KIF22: variants seen among roughly 807,000 people sequenced by gnomAD.
KIF22 encodes kinesin family member 22.
A neutral mutation model predicts 73.0 loss-of-function variants in KIF22; 62 were observed. The observed-to-expected ratio is 0.85, with a 90% CI of 0.69 to 1.05. The LOEUF is 1.05. KIF22 is among the 50% of genes least tolerant of loss of function. The pLI, the probability that KIF22 is intolerant of heterozygous loss-of-function variation, is 0.00. For missense variants in KIF22, 854 were observed against 870.1 expected (o/e 0.98, Z 0.23); for synonymous variants, 411 against 340.1 (o/e 1.21, Z -2.29).
rs781091421 is a variant in KIF22 at position 29,799,429 on chromosome 16, G to C, written c.925G>C (p.Asp309His). The change falls in exon 6 of 14, where the codon GAT becomes CAT. Residue 309 changes from aspartate to histidine, a missense_variant. Physicochemically the swap from Asp to His is moderately conservative, Grantham distance 81. This residue lies in a region of KIF22 where 245 missense variants were observed against 351.8 expected (regional missense o/e 0.70). Transcript: ENST00000160827. The stretch of plus-strand genomic sequence containing the variant: ...CCTGTTTGTCCTGGGCAAAGTGGTA[G>C]ATGCGCTGAATCAGGGCCTCCCTCG... ...TSLFVLGKVV[D>H]ALNQGLPRVP... is the part of the protein sequence containing the mutation. 6 of 1,614,140 alleles carry C rather than the reference G, an allele frequency of 3.7e-6. No homozygotes were observed. The highest frequency in any genetic ancestry group is 4.2e-6 in the Non-Finnish European group (5 of 1,180,054).
chr16:29,804,526 T>TA (rs1282265797), intron 11 of KIF22: 5 of 666,216 alleles, frequency 7.5e-6, no homozygotes, highest in Non-Finnish European at 1.4e-5. Context: ...GGACCAGATT[T>TA]AAGAGCTTAT....
chr16:29,799,074 A>G lies in KIF22; in HGVS notation c.649A>G (p.Ser217Gly), dbSNP rs1425589443. The change falls in exon 5 of 14, where the codon AGC (serine) becomes GGC (glycine). Residue 217 changes from serine (S) to glycine (G), a missense_variant. Transcript: ENST00000160827. ...IPGLSQKPIS[S>G]FADFERHFLP... ...GGGTCTCTCCCAGAAGCCCATCAGT[A>G]GCTTTGCTGATTTTGAGCGGCACTT... The G allele has an allele frequency of 6.2e-7, 1 of 1,614,048 alleles. No individual in the cohort carries two copies. The highest frequency in any genetic ancestry group is 1.3e-5 in the African/African-American group (1 of 74,924).
At chr16:29,804,346 C>T in intron 11 of KIF22, 1 of 602,032 alleles carries the variant, frequency 1.7e-6, no homozygotes, top group Non-Finnish European at 3.0e-6. Flanking sequence ...ACTTAGGGAA[C>T]TATGACCTAA....
rs774240784 is a variant in KIF22, at chr16:29,799,742, A to G, written c.1105A>G (p.Ile369Val). The G allele has an allele frequency of 6.2e-7, 1 of 1,613,258 alleles. No individual in the cohort carries two copies. Among genetic ancestry groups the G allele is most frequent in the African/African-American group, 1.3e-5 (1 of 75,012 alleles). Residue 369 changes from isoleucine to valine, a missense_variant, in exon 7 of 14, where the codon ATC becomes GTC. Physicochemically the swap from Ile to Val is conservative, Grantham distance 29. Around this residue, in one of 3 missense-constraint regions of KIF22, gnomAD observed 245 missense variants for 351.8 expected, o/e 0.70. Transcript: ENST00000160827. ...LNFAARSKEV[I>V]NRPFTNESLQ... ...CTTTGCTGCCAGGTCCAAGGAGGTG[A>G]TCAATCGGCCTTTTACCAATGAGAG...
Position 29,802,868 on chromosome 16 carries a change from G to C in KIF22, c.1380G>C (p.Leu460=). 1 of 1,612,240 alleles carries C rather than the reference G, an allele frequency of 6.2e-7. No homozygotes were observed. ...CCCAGGGGAGCCAGGGGGCCCCTCT[G>C]TTGAGTACCCCAAAGCGAGAGCGGA... The part of the protein sequence containing the change: ...LASQGSQGAP[L]LSTPKRERMV... Residue 460 remains leucine, a synonymous_variant, in exon 9 of 14, where the codon CTG becomes CTC. Transcript: ENST00000160827.
Position 29,798,935 on chromosome 16 carries a change from C to T in KIF22, c.550-40C>T. On this transcript the variant is annotated intron_variant, in intron 4 of 13. Transcript: ENST00000160827. This position sits in a 1 kb window ranked among gnomAD's most constrained non-coding sequence, Gnocchi z 4.1. ...ACTGATCCCCAGGAAGAAACAGCCT[C>T]TCTATGGAGAATTGCCCTTCCCCTT... The T allele has an allele frequency of 6.3e-7, 1 of 1,597,032 alleles. No individual in the cohort carries two copies.
At chr16:29,800,200 AC>A in intron 8 of KIF22, 152 bp downstream of exon 8, 1 of 881,796 alleles carries the variant, frequency 1.1e-6, no homozygotes, top group Non-Finnish European at 1.7e-6. Flanking sequence ...CACTCCTGTA[AC>A]CCCAGCACTT....
intron 9 of KIF22, 37 bp downstream of exon 9, chr16:29,802,974 T>C (rs1359229056): frequency 4.5e-5 from 72 of 1,598,232 alleles, no homozygotes; most frequent in Admixed American, 1.4e-4. Flanking sequence ...GGATTCCTAT[T>C]GGCCTTGAGA....
At chr16:29,802,234 C>T (rs992869354) in intron 8 of KIF22, among the ~76,000 whole-genome samples, 45 of 143,770 alleles carry the variant, frequency 3.1e-4, no homozygotes, top group African/African-American at 1.1e-3. Flanking sequence ...CAACACTGCA[C>T]TCCAGCCTGG....
chr16:29,796,882 C>G lies in KIF22; in HGVS notation c.71-11C>G. ...ATACTTCATGTCTAAAAGTGATCTT[C>G]TCTCCTCCAGGAGCTGGTCGCTGTC... is the stretch of plus-strand genomic sequence containing the variant. On this transcript the variant is annotated splice_polypyrimidine_tract_variant and intron_variant, in intron 1 of 13. Coordinates refer to ENST00000160827, the MANE Select transcript of KIF22 (RefSeq NM_007317.3). 1 of 1,613,164 alleles carries G rather than the reference C, an allele frequency of 6.2e-7. No individual in the cohort carries two copies. The highest frequency in any genetic ancestry group is 8.5e-7 in the Non-Finnish European group (1 of 1,179,278).
At chr16:29,796,866 G>A (rs2142369910) in intron 1 of KIF22, 27 bp from the exon 2 acceptor site, 2 of 1,612,170 alleles carry the variant, frequency 1.2e-6, no homozygotes, top group South Asian at 1.1e-5. Context: ...CATACTTCAT[G>A]TCTAAAAGTG....
intron 11 of KIF22, 177 bp from the exon 12 acceptor site, chr16:29,804,637 A>G (rs1394017593): frequency 4.3e-6 from 3 of 700,972 alleles, no homozygotes; most frequent in Non-Finnish European, 7.8e-6. Context: ...CTCTTTCACT[A>G]GTTGCATAAT....
intron 11 of KIF22, 189 bp from the exon 12 acceptor site, chr16:29,804,625 C>T (rs938154187): frequency 1.9e-5 from 13 of 699,430 alleles, no homozygotes; most frequent in Admixed American, 1.8e-4. Flanking sequence ...TGAGTAGTAC[C>T]TCTCTTTCAC....
intron 1 of KIF22, among the ~76,000 whole-genome samples, chr16:29,793,394 G>A (rs1272530799): frequency 1.3e-5 from 2 of 152,070 alleles, no homozygotes; most frequent in Admixed American, 6.5e-5. Context: ...AGCCAAGAGC[G>A]CCACTGCACT....
chr16:29,793,247 C>G (rs1029099413), intron 1 of KIF22, among the ~76,000 whole-genome samples: 24 of 152,178 alleles, frequency 1.6e-4, no homozygotes, highest in African/African-American at 5.6e-4. Context: ...TCGAGACCAT[C>G]TTGGCCAACA....
At chr16:29,796,541 CCTCT>C (rs1555499072) in intron 1 of KIF22, among the ~76,000 whole-genome samples, 7 of 151,590 alleles carry the variant, frequency 4.6e-5, no homozygotes, top group East Asian at 1.9e-4. Context: ...AGACTCCATC[CCTCT>C]CTCTCTCTTT....
chr16:29,804,332 G>GA (rs1479827059), intron 11 of KIF22: 1 of 601,570 alleles, frequency 1.7e-6, no homozygotes, highest in African/African-American at 1.9e-5. Flanking sequence ...GCTTAAGAGG[G>GA]AAAACTTAGG....
chr16:29,799,267 G>A lies in KIF22; in HGVS notation c.763G>A (p.Asp255Asn). The A allele has an allele frequency of 6.2e-7, 1 of 1,613,440 alleles. No individual in the cohort carries two copies. The highest frequency in any genetic ancestry group is 8.5e-7 in the Non-Finnish European group (1 of 1,179,680). Residue 255 changes from aspartate (D) to asparagine (N), a missense_variant, in exon 6 of 14, where the codon GAC becomes AAC. Around this residue, in one of 3 missense-constraint regions of KIF22, gnomAD observed 245 missense variants for 351.8 expected, o/e 0.70. Coordinates refer to ENST00000160827, the MANE Select transcript of KIF22 (RefSeq NM_007317.3). ...AGACCTTTGTTCTTACCCCCAGGTGGACCAGCGGGAACGTTTGGCCCCATT... is the reference window on the plus strand; with the variant it reads ...AGACCTTTGTTCTTACCCCCAGGTGAACCAGCGGGAACGTTTGGCCCCATT... ...RSHAVLLVKV[D>N]QRERLAPFRQ...
intron 8 of KIF22, among the ~76,000 whole-genome samples, chr16:29,802,437 C>T (rs1325386332): frequency 6.6e-6 from 1 of 152,022 alleles, no homozygotes; most frequent in Non-Finnish European, 1.5e-5. Context: ...TGATGTTTTC[C>T]GCAACTGCTC....
Sources: allele counts gnomAD v4.1 joint callset (sites outside exome capture counted in the v4.1 genomes callset), GRCh38; gene constraint gnomAD v4.1.1; regional missense constraint gnomAD v4.1.1; non-coding constraint Gnocchi (gnomAD v3.1); transcripts MANE v1.5; gene names NCBI Gene and HGNC (gene_info 2026-07-23, HGNC 2026-07-21).